KCNQ3: variants seen among roughly 807,000 people sequenced by gnomAD.
KCNQ3 encodes the protein potassium voltage-gated channel subfamily Q member 3, also known as potassium voltage-gated channel subfamily KQT member 3.
Under a neutral mutation model 92.5 loss-of-function variants are expected in KCNQ3, and 30 were observed. The observed-to-expected ratio is 0.32, with a 90% CI of 0.24 to 0.44. KCNQ3 has a LOEUF of 0.44. KCNQ3 is among the 20% of genes least tolerant of loss of function. The probability of loss-of-function intolerance (pLI) is 1.00; values close to 1 mark genes in which losing one functional copy is unlikely to be tolerated. For missense variants in KCNQ3, 913 were observed against 1,140.3 expected, an observed-to-expected ratio of 0.80 and a Z score of 2.87; for synonymous variants, 450 against 468.8, an observed-to-expected ratio of 0.96 and a Z score of 0.52.
At chr8:132,164,104 C>T (rs2130080612) in intron 8 of KCNQ3, among the ~76,000 whole-genome samples, 1 of 152,170 alleles carries the variant, frequency 6.6e-6, no homozygotes, top group South Asian at 2.1e-4. Flanking sequence ...ACCAGCCGTG[C>T]TTTACACATA....
At chr8:132,408,483 C>T (rs144040200) in intron 1 of KCNQ3, among the ~76,000 whole-genome samples, 34 of 152,286 alleles carry the variant, frequency 2.2e-4, no homozygotes, top group Admixed American at 3.9e-4. Context: ...GGCCCTGCTA[C>T]GCTAGGCAGA....
chr8:132,398,048 G>T (rs977611754), intron 1 of KCNQ3, among the ~76,000 whole-genome samples: 2 of 152,144 alleles, frequency 1.3e-5, no homozygotes, highest in South Asian at 2.1e-4. Flanking sequence ...GGAAACCAGT[G>T]GTTTCAGAGG....
chr8:132,195,145 C>T (rs529912957), intron 1 of KCNQ3, among the ~76,000 whole-genome samples: 14 of 152,314 alleles, frequency 9.2e-5, no homozygotes, highest in African/African-American at 3.1e-4. Context: ...CTTCATTTAA[C>T]ATTTATACTT....
chr8:132,421,793 A>G (rs1820973803), intron 1 of KCNQ3, among the ~76,000 whole-genome samples: 1 of 152,182 alleles, frequency 6.6e-6, no homozygotes, highest in Admixed American at 6.5e-5. Context: ...CTGCAGAATC[A>G]CACAGGAAAT....
At chr8:132,275,634 G>A (rs1032891559) in intron 1 of KCNQ3, among the ~76,000 whole-genome samples, 5 of 151,392 alleles carry the variant, frequency 3.3e-5, no homozygotes, top group African/African-American at 4.9e-5. Flanking sequence ...CTGGAGTGCA[G>A]TGGTGTGATC....
intron 1 of KCNQ3, among the ~76,000 whole-genome samples, chr8:132,287,502 A>G (rs1317310779): frequency 6.6e-6 from 1 of 152,270 alleles, no homozygotes; most frequent in Non-Finnish European, 1.5e-5. Flanking sequence ...AATAGCCAAA[A>G]GTTGAAAACA....
rs1308029173 is a variant in KCNQ3 at position 132,174,241 on chromosome 8, C to T, written c.1042G>A (p.Ala348Thr). Residue 348 changes from alanine to threonine, a missense_variant and splice_region_variant, in exon 6 of 15, where the codon GCG (alanine) becomes ACG (threonine). Physicochemically the swap from Ala to Thr is moderately conservative, Grantham distance 58. Coordinates refer to ENST00000388996, the MANE Select transcript of KCNQ3 (RefSeq NM_004519.4). ...LIGVSFFALPAGILGSGLALK... is the reference protein window; with the variant it reads ...LIGVSFFALPTGILGSGLALK... ...TGTCATATATCAAAGGTACTTACCG[C>T]TGGAAGGGCAAAAAAGGAGACGCCA... is the stretch of plus-strand genomic sequence containing the variant. The T allele has an allele frequency of 3.2e-6, 5 of 1,550,354 alleles. No individual in the cohort carries two copies. The highest frequency in any genetic ancestry group is 1.2e-5 in the South Asian group (1 of 84,008).
chr8:132,405,048 A>G (rs1226445479), intron 1 of KCNQ3, among the ~76,000 whole-genome samples: 1 of 152,150 alleles, frequency 6.6e-6, no homozygotes, highest in Non-Finnish European at 1.5e-5. Context: ...CCCATAACAA[A>G]CAATCTGGGC....
chr8:132,236,086 C>G (rs935030212), intron 1 of KCNQ3, among the ~76,000 whole-genome samples: 5 of 152,214 alleles, frequency 3.3e-5, no homozygotes, highest in Admixed American at 2.0e-4. Flanking sequence ...CTCCTCCACA[C>G]AGTCACCTAT....
chr8:132,252,585 G>C (rs2085518), intron 1 of KCNQ3, among the ~76,000 whole-genome samples: 66,407 of 151,692 alleles, frequency 0.44, 16,855 homozygotes, highest in East Asian at 0.71. Context: ...GCCAGTTGCT[G>C]CTGCTGGATT....
At chr8:132,333,411 T>C (rs1463885430) in intron 1 of KCNQ3, among the ~76,000 whole-genome samples, 2 of 152,158 alleles carry the variant, frequency 1.3e-5, no homozygotes, top group East Asian at 3.9e-4. Flanking sequence ...CCCACATAAA[T>C]GCAAACTCAG....
intron 1 of KCNQ3, among the ~76,000 whole-genome samples, chr8:132,462,179 GTATT>G (rs67201471): frequency 0.7 from 104,164 of 149,848 alleles, 36,401 homozygotes; most frequent in Middle Eastern, 0.79. Flanking sequence ...ATTTATTTAT[GTATT>G]TATTTATTTA....
At chr8:132,169,258 C>T (rs949043981) in intron 8 of KCNQ3, among the ~76,000 whole-genome samples, 2 of 152,148 alleles carry the variant, frequency 1.3e-5, no homozygotes, top group Non-Finnish European at 2.9e-5. Flanking sequence ...ATCAGAATTG[C>T]TGAAAGTGGA....
rs533053245 is a variant in KCNQ3, at chr8:132,237,237, T to C, written c.387-51056A>G. ...ATTCAGTCTGATGACACATGGAGAC[T>C]GGATAAGAGTAATGATGATGATGAT... On this transcript the variant is annotated intron_variant, in intron 1 of 14. Coordinates refer to ENST00000388996, the MANE Select transcript of KCNQ3 (RefSeq NM_004519.4). Among the ~76,000 whole-genome samples, 9 of 152,202 alleles carry C rather than the reference T, an allele frequency of 5.9e-5. No individual in the cohort carries two copies. The East Asian group carries it at 1.5e-3, about 26-fold the overall frequency.
chr8:132,326,217 A>G lies in KCNQ3; in HGVS notation c.387-140036T>C, dbSNP rs1430634086. On this transcript the variant is annotated intron_variant, in intron 1 of 14. Coordinates refer to ENST00000388996, the MANE Select transcript of KCNQ3 (RefSeq NM_004519.4). The stretch of plus-strand genomic sequence containing the variant: ...GAGTGCAGAAGGTGGCGTGACATAC[A>G]AAACCACTTCACAAAACTTTCTCAA... 2.0e-5 allele frequency among the ~76,000 whole-genome samples: 3 copies of G among 152,304 alleles called. No individual in the cohort carries two copies. The East Asian group carries it at 5.8e-4, about 29-fold the overall frequency.
intron 1 of KCNQ3, among the ~76,000 whole-genome samples, chr8:132,204,538 A>G (rs1813591450): frequency 6.6e-6 from 1 of 152,122 alleles, no homozygotes; most frequent in East Asian, 1.9e-4. Context: ...CATCAGGGCA[A>G]TTGTTCTGCT....
chr8:132,454,919 C>T (rs1821904223), intron 1 of KCNQ3, among the ~76,000 whole-genome samples: 1 of 152,024 alleles, frequency 6.6e-6, no homozygotes, highest in Non-Finnish European at 1.5e-5. Flanking sequence ...AAGCCAGTCA[C>T]AAAACAACAA....
chr8:132,364,678 CGG>C (rs1563880072), intron 1 of KCNQ3, among the ~76,000 whole-genome samples: 12 of 123,628 alleles, frequency 9.7e-5, no homozygotes, highest in African/African-American at 4.2e-4. Context: ...GATGGACGGA[CGG>C]ACGGACGGAC....
chr8:132,454,367 C>T (rs1057167861), intron 1 of KCNQ3, among the ~76,000 whole-genome samples: 6 of 152,188 alleles, frequency 3.9e-5, no homozygotes, highest in Non-Finnish European at 7.3e-5. Context: ...GTACAGTGTG[C>T]CCGGAGTGTT....
Sources: gnomAD v4.1 joint callset for allele counts (sites outside exome capture counted in the v4.1 genomes callset) on GRCh38, gnomAD v4.1.1 for gene constraint, MANE v1.5 for transcripts, NCBI Gene and HGNC (gene_info 2026-07-23, HGNC 2026-07-21) for gene names.